TAS2R1: variants seen among roughly 807,000 people sequenced by gnomAD.
TAS2R1 encodes taste receptor type 2 member 1.
For missense variants in TAS2R1, 370 were observed against 353.4 expected (o/e 1.05, Z -0.38); for synonymous variants, 141 against 134.2 (o/e 1.05, Z -0.35).
At chr5:9,840,089 C>G in the TAS2R1 span, among the ~76,000 whole-genome samples, 2 of 152,122 alleles carry the variant, frequency 1.3e-5, no homozygotes, top group Non-Finnish European at 2.9e-5. Flanking sequence ...TCCTTGCTAC[C>G]TTGTATTTCA....
At chr5:9,681,140 G>A (rs1191212128) in intron 1 of TAS2R1, among the ~76,000 whole-genome samples, 1 of 151,816 alleles carries the variant, frequency 6.6e-6, no homozygotes, top group African/African-American at 2.4e-5. Context: ...ATGGACTCTT[G>A]GACCAGAAAA....
chr5:9,746,304 T>C, the TAS2R1 span, among the ~76,000 whole-genome samples: 1 of 152,186 alleles, frequency 6.6e-6, no homozygotes, highest in Non-Finnish European at 1.5e-5. Flanking sequence ...AGGAACACTA[T>C]TACACTATTG....
chr5:9,681,796 T>C (rs929352549), intron 1 of TAS2R1, among the ~76,000 whole-genome samples: 2 of 152,162 alleles, frequency 1.3e-5, no homozygotes. Flanking sequence ...GCAATAGGCA[T>C]TACCAGGGAG....
the TAS2R1 span, among the ~76,000 whole-genome samples, chr5:9,719,351 T>G: frequency 6.6e-6 from 1 of 152,202 alleles, no homozygotes; most frequent in African/African-American, 2.4e-5. Context: ...ATGTTCTTTG[T>G]ACTATTTTTG....
At chr5:9,706,856 A>G (rs1382600585) in intron 1 of TAS2R1, among the ~76,000 whole-genome samples, 2 of 151,868 alleles carry the variant, frequency 1.3e-5, no homozygotes, top group African/African-American at 4.8e-5. Context: ...TTCAGCCTCC[A>G]CTCCCCCGAC....
At chr5:9,836,878 A>G in the TAS2R1 span, among the ~76,000 whole-genome samples, 1 of 152,214 alleles carries the variant, frequency 6.6e-6, no homozygotes, top group Admixed American at 6.5e-5. Flanking sequence ...AGAAACATGC[A>G]TGAGGATCTA....
At chr5:9,767,425 A>G in the TAS2R1 span, among the ~76,000 whole-genome samples, 1 of 152,080 alleles carries the variant, frequency 6.6e-6, no homozygotes, top group Non-Finnish European at 1.5e-5. Context: ...TGGCTCTGCC[A>G]CTTACTCACT....
chr5:9,796,966 C>T, the TAS2R1 span, among the ~76,000 whole-genome samples: 1 of 152,166 alleles, frequency 6.6e-6, no homozygotes, highest in African/African-American at 2.4e-5. Flanking sequence ...GACATTGTTG[C>T]TACAGTCACT....
At chr5:9,673,597 T>C (rs1740812306) in intron 1 of TAS2R1, among the ~76,000 whole-genome samples, 1 of 151,742 alleles carries the variant, frequency 6.6e-6, no homozygotes, top group African/African-American at 2.4e-5. Flanking sequence ...TAAGAGATTT[T>C]TAAAATTATA....
the TAS2R1 span, among the ~76,000 whole-genome samples, chr5:9,802,894 C>G: frequency 6.6e-6 from 1 of 152,048 alleles, no homozygotes; most frequent in Non-Finnish European, 1.5e-5. Context: ...CACAGCGAGA[C>G]TCCGTCTAAA....
the TAS2R1 span, among the ~76,000 whole-genome samples, chr5:9,738,319 G>A: frequency 6.6e-6 from 1 of 152,144 alleles, no homozygotes; most frequent in African/African-American, 2.4e-5. Context: ...CCATCTCTGT[G>A]TGCTCCTGGA....
chr5:9,834,037 CG>C, the TAS2R1 span, among the ~76,000 whole-genome samples: 2 of 152,192 alleles, frequency 1.3e-5, no homozygotes, highest in African/African-American at 4.8e-5. Flanking sequence ...TTGTTCAGTA[CG>C]GAGATGGATT....
intron 1 of TAS2R1, among the ~76,000 whole-genome samples, chr5:9,703,583 G>A (rs1385441661): frequency 1.3e-5 from 2 of 152,136 alleles, no homozygotes; most frequent in African/African-American, 4.8e-5. Flanking sequence ...GGAGTGACAG[G>A]AATGAGGTAG....
chr5:9,682,696 AG>A (rs149637120), intron 1 of TAS2R1, among the ~76,000 whole-genome samples: 1 of 152,274 alleles, frequency 6.6e-6, no homozygotes, highest in Non-Finnish European at 1.5e-5. Flanking sequence ...GAATACTGAA[AG>A]GTGCTTGATT....
the TAS2R1 span, among the ~76,000 whole-genome samples, chr5:9,903,266 T>C: frequency 6.6e-6 from 1 of 152,078 alleles, no homozygotes; most frequent in Non-Finnish European, 1.5e-5. Flanking sequence ...ACATGTGATG[T>C]TTGTCTTTCT....
the TAS2R1 span, among the ~76,000 whole-genome samples, chr5:9,887,405 T>A: frequency 6.6e-6 from 1 of 152,210 alleles, no homozygotes; most frequent in Non-Finnish European, 1.5e-5. Context: ...TTCCAAGCTA[T>A]CCTTCCCAGT....
At chr5:9,632,201 T>C (rs1739884695), upstream of TAS2R1, among the ~76,000 whole-genome samples, 1 of 152,234 alleles carries the variant, frequency 6.6e-6, no homozygotes, top group Non-Finnish European at 1.5e-5. Context: ...ATAAAAGTTA[T>C]GTTGATACTA....
At chr5:9,812,074 C>A in the TAS2R1 span, among the ~76,000 whole-genome samples, 1 of 152,130 alleles carries the variant, frequency 6.6e-6, no homozygotes, top group Non-Finnish European at 1.5e-5. Flanking sequence ...AAGTAGGTCT[C>A]ACTGTTATTT....
At chr5:9,899,538 G>C in the TAS2R1 span, among the ~76,000 whole-genome samples, 1 of 151,720 alleles carries the variant, frequency 6.6e-6, no homozygotes, top group Non-Finnish European at 1.5e-5. Context: ...TCGGGAGGCT[G>C]AGGCAGAAGA....
Sources: allele counts gnomAD v4.1 joint callset (sites outside exome capture counted in the v4.1 genomes callset), GRCh38; gene constraint gnomAD v4.1.1; transcripts MANE v1.5; gene names NCBI Gene and HGNC (gene_info 2026-07-23, HGNC 2026-07-21).